The following DGKI variants were observed in gnomAD, a reference collection of about 807,000 sequenced individuals.
The protein encoded by DGKI is DAG kinase iota.
A neutral mutation model predicts 147.5 loss-of-function variants in DGKI; 55 were observed. The ratio of observed to expected loss-of-function variants is 0.37; its 90% CI spans 0.30 to 0.47. The LOEUF is 0.47. DGKI is among the 20% of genes least tolerant of loss of function. The pLI, the probability that DGKI is intolerant of heterozygous loss-of-function variation, is 1.00. For synonymous variants in DGKI, 469 were observed against 477.1 expected, an observed-to-expected ratio of 0.98 and a Z score of 0.22; for missense variants, 1,007 against 1,323.8, an observed-to-expected ratio of 0.76 and a Z score of 3.71.
At chr7:137,510,357 T>C (rs891782562) in intron 21 of DGKI, among the ~76,000 whole-genome samples, 6 of 152,248 alleles carry the variant, frequency 3.9e-5, no homozygotes, top group Non-Finnish European at 8.8e-5. Context: ...TTAAATGTGA[T>C]ATAAGCTTTT....
chr7:137,394,297 T>C (rs1478444733), intron 32 of DGKI, among the ~76,000 whole-genome samples: 3 of 152,226 alleles, frequency 2.0e-5, no homozygotes, highest in African/African-American at 7.2e-5. Context: ...GTGTGATTTT[T>C]ATTTTTTCAG....
chr7:137,653,638 C>A (rs57306865), intron 5 of DGKI, among the ~76,000 whole-genome samples: 1 of 152,102 alleles, frequency 6.6e-6, no homozygotes, highest in African/African-American at 2.4e-5. Context: ...GCTTAATTGC[C>A]GCCTCTTCCA....
At chr7:137,665,126 G>A (rs1044021227) in intron 3 of DGKI, among the ~76,000 whole-genome samples, 4 of 152,228 alleles carry the variant, frequency 2.6e-5, no homozygotes, top group African/African-American at 7.2e-5. Flanking sequence ...GCCAGATCAT[G>A]CTGTGTTGCA....
intron 1 of DGKI, among the ~76,000 whole-genome samples, chr7:137,742,511 G>A (rs375964201): frequency 9.9e-5 from 15 of 152,168 alleles, no homozygotes; most frequent in East Asian, 9.7e-4. Context: ...AGTAGCTCCC[G>A]TCACTCCCAC....
At chr7:137,666,307 G>A (rs1043875398) in intron 3 of DGKI, among the ~76,000 whole-genome samples, 1 of 152,182 alleles carries the variant, frequency 6.6e-6, no homozygotes, top group Non-Finnish European at 1.5e-5. Flanking sequence ...GGAGGCTGAG[G>A]CAGTAGGATC....
At chr7:137,603,620 G>A (rs1239513431) in intron 10 of DGKI, among the ~76,000 whole-genome samples, 3 of 152,174 alleles carry the variant, frequency 2.0e-5, no homozygotes, top group South Asian at 2.1e-4. Context: ...TGATACAGAC[G>A]TCTGCTAAGG....
At chr7:137,844,972 A>G (rs539495222) in intron 1 of DGKI, among the ~76,000 whole-genome samples, 1 of 152,286 alleles carries the variant, frequency 6.6e-6, no homozygotes, top group East Asian at 1.9e-4. Context: ...GGCCATCATA[A>G]CTAGGAAGTA....
intron 12 of DGKI, among the ~76,000 whole-genome samples, chr7:137,592,137 C>T (rs1585264062): frequency 6.6e-6 from 1 of 152,174 alleles, no homozygotes; most frequent in African/African-American, 2.4e-5. Flanking sequence ...TAATCCGGAA[C>T]CCGTTTCCAC....
intron 27 of DGKI, among the ~76,000 whole-genome samples, chr7:137,451,273 C>A (rs1813945063): frequency 6.6e-6 from 1 of 152,152 alleles, no homozygotes; most frequent in South Asian, 2.1e-4. Context: ...CCCAACTAAA[C>A]ACAGCTATAA....
At chr7:137,566,450 T>C (rs1458216119) in intron 19 of DGKI, among the ~76,000 whole-genome samples, 1 of 152,034 alleles carries the variant, frequency 6.6e-6, no homozygotes, top group Non-Finnish European at 1.5e-5. Flanking sequence ...TATATGCCAG[T>C]ATACATTTAG....
intron 1 of DGKI, among the ~76,000 whole-genome samples, chr7:137,802,920 C>CA (rs1040019606): frequency 1.3e-5 from 2 of 151,692 alleles, no homozygotes; most frequent in Non-Finnish European, 2.9e-5. Context: ...GCTACAAAGA[C>CA]AAAAAAATTA....
intron 24 of DGKI, among the ~76,000 whole-genome samples, chr7:137,468,872 A>C (rs1333322180): frequency 6.6e-6 from 1 of 152,212 alleles, no homozygotes; most frequent in Admixed American, 6.5e-5. Flanking sequence ...TCATGTCTCC[A>C]TATGAACAAA....
At chr7:137,494,271 TC>T (rs1399515566) in intron 21 of DGKI, among the ~76,000 whole-genome samples, 2 of 152,138 alleles carry the variant, frequency 1.3e-5, no homozygotes, top group African/African-American at 4.8e-5. Context: ...CATGAAAATT[TC>T]CCCAACCTTG....
At chr7:137,744,356 A>G (rs1357918101) in intron 1 of DGKI, among the ~76,000 whole-genome samples, 3 of 152,198 alleles carry the variant, frequency 2.0e-5, no homozygotes, top group African/African-American at 7.2e-5. Flanking sequence ...GAGATCCTGA[A>G]CAGACCAATA....
chr7:137,527,499 TTACTTTTTAAAGA>T (rs1817191702), intron 20 of DGKI, among the ~76,000 whole-genome samples: 1 of 152,180 alleles, frequency 6.6e-6, no homozygotes, highest in African/African-American at 2.4e-5. Flanking sequence ...AAGTTTTTTT[TTACTTTTTAAAGA>T]TATTATGAAT....
At chr7:137,761,066 G>A (rs576115852) in intron 1 of DGKI, among the ~76,000 whole-genome samples, 3 of 152,184 alleles carry the variant, frequency 2.0e-5, no homozygotes, top group South Asian at 2.1e-4. Flanking sequence ...TAGTTGGCCC[G>A]TATTACCCTT....
chr7:137,389,948 T>C lies in DGKI; in HGVS notation c.*1272A>G, dbSNP rs1299012256. 2.0e-5 allele frequency: 3 copies of C among 152,220 alleles called. No individual in the cohort carries two copies. The highest frequency in any genetic ancestry group is 4.4e-5 in the Non-Finnish European group (3 of 68,052). The allele number at this position is 152,220 out of a possible 1,614,324, so 9.4% of individuals were successfully genotyped here. ...ATAATAGTTGAAGCATCCTTCTGAATGATCCAGGCATCCCATAAATCTGGC... is the reference window on the plus strand; with the variant it reads ...ATAATAGTTGAAGCATCCTTCTGAACGATCCAGGCATCCCATAAATCTGGC... On this transcript the variant is annotated 3_prime_UTR_variant, in exon 33 of 33. Transcript: ENST00000614521.
At chr7:137,444,055 A>G (rs766626785) in intron 28 of DGKI, 22 bp downstream of exon 28, 7 of 1,556,764 alleles carry the variant, frequency 4.5e-6, no homozygotes, top group African/African-American at 1.4e-5. Flanking sequence ...GAATTGGTAT[A>G]AATAAGACAG....
chr7:137,589,121 C>G (rs960228912), intron 12 of DGKI, among the ~76,000 whole-genome samples: 4 of 152,130 alleles, frequency 2.6e-5, no homozygotes, highest in Admixed American at 6.5e-5. Flanking sequence ...GATGAAGAAA[C>G]CTTAAACATT....
Sources: allele counts gnomAD v4.1 joint callset (sites outside exome capture counted in the v4.1 genomes callset), GRCh38; gene constraint gnomAD v4.1.1; transcripts MANE v1.5; gene names NCBI Gene and HGNC (gene_info 2026-07-23, HGNC 2026-07-21).